The following CACNA2D1 variants were observed in gnomAD, a reference collection of about 807,000 sequenced individuals.
The protein encoded by CACNA2D1 is voltage-dependent calcium channel subunit alpha-2/delta-1.
CACNA2D1 carries 53 observed loss-of-function variants against 171.5 expected under a neutral mutation model. That is an observed-to-expected ratio of 0.31 (90% CI 0.25 to 0.39). The LOEUF is 0.39. Among genes scored for constraint, CACNA2D1 ranks in the 10% least tolerant of loss-of-function variants. The pLI is 1.00. For synonymous variants in CACNA2D1, 442 were observed against 443.1 expected (o/e 1.00, Z 0.03); for missense variants, 903 against 1,299.8 (o/e 0.69, Z 4.69).
In CACNA2D1 at chr7:81,979,125, A is replaced by G. The variant is rs542047237; in HGVS notation, c.1955+3442T>C. 1.6e-4 allele frequency among the ~76,000 whole-genome samples: 25 copies of G among 152,146 alleles called. No homozygotes were observed. In the South Asian group the frequency reaches 5.2e-3, roughly 32 times the overall value. On this transcript the variant is annotated intron_variant, in intron 24 of 38. Transcript: ENST00000356860. Reference sequence around the variant, plus strand: ...TATACGACGTGTCTAGAACAAGCACATGGCCATAAGAGACAGAAAATAGAT... The same window carrying G: ...TATACGACGTGTCTAGAACAAGCACGTGGCCATAAGAGACAGAAAATAGAT...
intron 1 of CACNA2D1, among the ~76,000 whole-genome samples, chr7:82,353,762 G>A (rs12707486): frequency 1.3e-5 from 2 of 151,822 alleles, no homozygotes; most frequent in East Asian, 3.9e-4. Flanking sequence ...GATACATGGA[G>A]AATGAGGAAT....
chr7:82,107,933 G>A (rs2129044484), intron 6 of CACNA2D1, among the ~76,000 whole-genome samples: 1 of 152,160 alleles, frequency 6.6e-6, no homozygotes, highest in Admixed American at 6.5e-5. Context: ...TATGTCTAAA[G>A]GTAATCTAGA....
intron 3 of CACNA2D1, among the ~76,000 whole-genome samples, chr7:82,326,291 CAATT>C (rs1322172196): frequency 6.6e-6 from 1 of 152,090 alleles, no homozygotes; most frequent in Non-Finnish European, 1.5e-5. Context: ...TTGCTTATAT[CAATT>C]AGTCAGTGGG....
In CACNA2D1 at chr7:82,431,382, T is replaced by G. The variant is rs73388043; in HGVS notation, c.95+11983A>C. ...GTCCTTCAAAGTTCCCCACGCATTC[T>G]TTCATTTAATCCTCACGATAACATT... is the stretch of plus-strand genomic sequence containing the variant. On this transcript the variant is annotated intron_variant, in intron 1 of 38. Coordinates refer to ENST00000356860, the MANE Select transcript of CACNA2D1 (RefSeq NM_000722.4). Among the ~76,000 whole-genome samples the G allele has an allele frequency of 8.8e-3, 1,334 of 152,332 alleles. 20 individuals are homozygous for G. The highest frequency in any genetic ancestry group is 0.031 in the Middle Eastern group (9 of 294).
At chr7:82,013,952 T>C (rs912583756) in intron 13 of CACNA2D1, among the ~76,000 whole-genome samples, 3 of 152,014 alleles carry the variant, frequency 2.0e-5, no homozygotes, top group African/African-American at 4.8e-5. Context: ...AACATCATTC[T>C]TTCTGAGTGA....
chr7:82,380,077 T>C (rs1823516466), intron 1 of CACNA2D1, among the ~76,000 whole-genome samples: 1 of 152,176 alleles, frequency 6.6e-6, no homozygotes, highest in Non-Finnish European at 1.5e-5. Context: ...TTTTAAATTG[T>C]CAAGTTTATT....
intron 10 of CACNA2D1, among the ~76,000 whole-genome samples, chr7:82,042,850 C>T (rs1412700457): frequency 6.6e-6 from 1 of 152,122 alleles, no homozygotes; most frequent in Non-Finnish European, 1.5e-5. Context: ...CAATACTAAG[C>T]TCTCTTAAAT....
chr7:82,108,794 T>G (rs1377503962), intron 6 of CACNA2D1, among the ~76,000 whole-genome samples: 1 of 152,176 alleles, frequency 6.6e-6, no homozygotes, highest in Non-Finnish European at 1.5e-5. Context: ...TAGAATTGTT[T>G]CTCTTTGTGC....
At position 82,275,812 on chromosome 7, in the gene CACNA2D1, T is replaced by C. The variant is rs190739976; in HGVS notation, c.294+59323A>G. 1.6e-4 allele frequency among the ~76,000 whole-genome samples: 24 copies of C among 152,280 alleles called. No homozygotes were observed. In the East Asian group the frequency reaches 4.6e-3, roughly 29 times the overall value. On this transcript the variant is annotated intron_variant, in intron 3 of 38. Coordinates refer to ENST00000356860, the MANE Select transcript of CACNA2D1 (RefSeq NM_000722.4). The stretch of plus-strand genomic sequence containing the variant: ...TGTTTTTAGATATTACATTTGCTCT[T>C]TGACAGACAATATAGTTAATGATTT...
At position 82,363,724 on chromosome 7, in the gene CACNA2D1, T is replaced by C. The variant is rs151092525; in HGVS notation, c.96-14075A>G. Among the ~76,000 whole-genome samples the C allele has an allele frequency of 1.6e-4, 24 of 152,280 alleles. No individual in the cohort carries two copies. The East Asian group carries it at 4.6e-3, about 29-fold the overall frequency. ...TAGTAATGATAATAAACATCTTACA[T>C]ATGTTTTGGATAAATACTTTCTGAC... On this transcript the variant is annotated intron_variant, in intron 1 of 38. Transcript: ENST00000356860.
chr7:82,074,050 G>T (rs1010625262), intron 7 of CACNA2D1, among the ~76,000 whole-genome samples: 1 of 152,122 alleles, frequency 6.6e-6, no homozygotes, highest in East Asian at 1.9e-4. Context: ...TAATACAGGG[G>T]TAAACAATGA....
chr7:82,080,057 G>GTC (rs149472839), intron 7 of CACNA2D1, among the ~76,000 whole-genome samples: 1 of 148,704 alleles, frequency 6.7e-6, no homozygotes, highest in Admixed American at 6.7e-5. Context: ...ATATATGTGT[G>GTC]TATATATATA....
chr7:82,231,826 A>G (rs1206784735), intron 3 of CACNA2D1, among the ~76,000 whole-genome samples: 1 of 152,186 alleles, frequency 6.6e-6, no homozygotes, highest in East Asian at 1.9e-4. Flanking sequence ...CAAATGCACA[A>G]TTAGAAAAAT....
At chr7:82,241,887 G>A (rs17176406) in intron 3 of CACNA2D1, among the ~76,000 whole-genome samples, 2 of 152,004 alleles carry the variant, frequency 1.3e-5, no homozygotes, top group Admixed American at 6.6e-5. Context: ...ATTTTTCACA[G>A]TATGGTCCTA....
At chr7:82,363,254 C>CTCT (rs1821286522) in intron 1 of CACNA2D1, among the ~76,000 whole-genome samples, 3 of 63,420 alleles carry the variant, frequency 4.7e-5, no homozygotes, top group African/African-American at 2.5e-4. Context: ...TTATTTGTCT[C>CTCT]TTTTTTTTTT....
At chr7:82,384,736 G>A (rs1314135757) in intron 1 of CACNA2D1, among the ~76,000 whole-genome samples, 1 of 152,120 alleles carries the variant, frequency 6.6e-6, no homozygotes, top group Non-Finnish European at 1.5e-5. Flanking sequence ...GAAATGTAAA[G>A]CTTGTTTGTC....
intron 4 of CACNA2D1, among the ~76,000 whole-genome samples, chr7:82,140,299 G>A (rs186392508): frequency 3.9e-4 from 60 of 152,244 alleles, no homozygotes; most frequent in Non-Finnish European, 4.3e-4. Context: ...GTCCCATACC[G>A]TAAAACTAAA....
At chr7:82,249,886 A>G (rs1323861194) in intron 3 of CACNA2D1, among the ~76,000 whole-genome samples, 1 of 152,248 alleles carries the variant, frequency 6.6e-6, no homozygotes, top group Non-Finnish European at 1.5e-5. Context: ...GGGAAATAGG[A>G]AAATGATTGG....
intron 38 of CACNA2D1, among the ~76,000 whole-genome samples, chr7:81,957,903 G>C (rs1399914044): frequency 6.6e-6 from 1 of 151,958 alleles, no homozygotes; most frequent in African/African-American, 2.4e-5. Flanking sequence ...CACTTTTCAA[G>C]TTCATCTGAA....
Sources: allele counts gnomAD v4.1 joint callset (sites outside exome capture counted in the v4.1 genomes callset), GRCh38; gene constraint gnomAD v4.1.1; transcripts MANE v1.5; gene names NCBI Gene and HGNC (gene_info 2026-07-23, HGNC 2026-07-21).